Variants in DNMT3A observed in about 807,000 individuals in gnomAD.
DNMT3A encodes the protein DNA methyltransferase 3 alpha, also known as DNA (cytosine-5)-methyltransferase 3A.
A neutral mutation model predicts 117.6 loss-of-function variants in DNMT3A; 267 were observed. The ratio of observed to expected loss-of-function variants is 2.27; its 90% CI spans 2.05 to 2.51. DNMT3A has a LOEUF of 2.51. Ranked by LOEUF, DNMT3A falls within the 30% of genes most tolerant of loss-of-function variation. The pLI, the probability that DNMT3A is intolerant of heterozygous loss-of-function variation, is 0.00. For synonymous variants in DNMT3A, 432 were observed against 474.8 expected, an observed-to-expected ratio of 0.91 and a Z score of 1.17; for missense variants, 1,029 against 1,260.2, an observed-to-expected ratio of 0.82 and a Z score of 2.78.
At position 25,282,597 on chromosome 2, in the gene DNMT3A, C is replaced by G; in HGVS notation, c.292G>C (p.Glu98Gln). 1 of 1,613,650 alleles carries G rather than the reference C, an allele frequency of 6.2e-7. No individual in the cohort carries two copies. The highest frequency in any genetic ancestry group is 8.5e-7 in the Non-Finnish European group (1 of 1,179,998). ...GGGCTCCCCTCCTCTGGCTGGGGCT[C>G]ACTCCGCTTCTCCAAGTCCCCATTG... ...LPNGDLEKRS[E>Q]PQPEEGSPAG... The change falls in exon 4 of 23, where the codon GAG (glutamate) becomes CAG (glutamine). Residue 98 changes from glutamate (E) to glutamine (Q), a missense_variant. Physicochemically the swap from Glu to Gln is conservative, Grantham distance 29 (BLOSUM62 2). Transcript: ENST00000321117. This position sits in a 1 kb window ranked among gnomAD's most constrained non-coding sequence, Gnocchi z 5.2.
chr2:25,297,178 G>A (rs1384332096), intron 3 of DNMT3A, among the ~76,000 whole-genome samples: 1 of 152,152 alleles, frequency 6.6e-6, no homozygotes, highest in Non-Finnish European at 1.5e-5. Context: ...CCCAGGAAGG[G>A]CCATGCTGGC....
chr2:25,300,741 A>T (rs1302347918), intron 2 of DNMT3A, among the ~76,000 whole-genome samples: 1 of 45,908 alleles, frequency 2.2e-5, no homozygotes, highest in African/African-American at 9.4e-5. Context: ...ATATATATAT[A>T]TATATATATA....
rs2031918310 is a variant in DNMT3A at position 25,282,077 on chromosome 2, G to A, written c.448+364C>T. ...AAACTAAGGCCCACAACCAGCCACA[G>A]AAGGCGATGGAGGGACCGCCATTAT... On this transcript the variant is annotated intron_variant, in intron 4 of 22. Coordinates refer to ENST00000321117, the MANE Select transcript of DNMT3A (RefSeq NM_022552.5). This position sits in a 1 kb window ranked among gnomAD's most constrained non-coding sequence, Gnocchi z 5.2. The A allele has an allele frequency of 8.8e-7, 1 of 1,138,868 alleles. No individual in the cohort carries two copies. Among genetic ancestry groups the A allele is most frequent in the Non-Finnish European group, 1.1e-6 (1 of 909,014 alleles). 70.5% of individuals were successfully genotyped at this position (1,138,868 alleles called of 1,614,324 possible). A position where few individuals can be genotyped will look rare whatever the true frequency, so the allele number is the denominator to read the frequency against.
intron 1 of DNMT3A, among the ~76,000 whole-genome samples, chr2:25,320,236 A>G (rs2034541282): frequency 6.6e-6 from 1 of 152,258 alleles, no homozygotes; most frequent in African/African-American, 2.4e-5. Context: ...AGCATCAGCT[A>G]CAATGTGCCT....
chr2:25,316,055 C>T (rs762173126), intron 1 of DNMT3A, among the ~76,000 whole-genome samples: 1 of 152,210 alleles, frequency 6.6e-6, no homozygotes, highest in Non-Finnish European at 1.5e-5. Context: ...ATAGCTCTGA[C>T]CGGCCAAGGA....
Position 25,241,568 on chromosome 2 carries a change from C to T in DNMT3A, c.2076G>A (p.Gln692=), listed in dbSNP as rs1233014525. The T allele has an allele frequency of 6.2e-7, 1 of 1,613,416 alleles. No homozygotes were observed. The highest frequency in any genetic ancestry group is 8.5e-7 in the Non-Finnish European group (1 of 1,179,750). ...CCCCACAGCATGGACATACATGCTTCTGTGTGACGCTGCGGACGTCCCCGA... is the reference window on the plus strand; with the variant it reads ...CCCCACAGCATGGACATACATGCTTTTGTGTGACGCTGCGGACGTCCCCGA... ...MYVGDVRSVT[Q]KHIQEWGPFD... The change falls in exon 17 of 23, where the codon CAG becomes CAA. Residue 692 remains glutamine (Q), a synonymous_variant. Coordinates refer to ENST00000321117, the MANE Select transcript of DNMT3A (RefSeq NM_022552.5).
In DNMT3A at chr2:25,269,830, G is replaced by A. The variant is rs551493409; in HGVS notation, c.639+5111C>T. On this transcript the variant is annotated intron_variant, in intron 6 of 22. Transcript: ENST00000321117. ...ACTGCAGAAATGTCTCATTTTCCCC[G>A]TTCACTTATTTTCCATTTCTTTCAT... 2.6e-4 allele frequency among the ~76,000 whole-genome samples: 39 copies of A among 152,260 alleles called. No homozygotes were observed. In the South Asian group the frequency reaches 4.6e-3, roughly 18 times the overall value.
chr2:25,300,714 TATATATATA>T (rs2033422489), intron 2 of DNMT3A, among the ~76,000 whole-genome samples: 4 of 4,020 alleles, frequency 1.0e-3, no homozygotes, highest in East Asian at 0.013. Flanking sequence ...AATAATATAA[TATATATATA>T]TATATATATA....
In DNMT3A at chr2:25,326,131, T is replaced by C. The variant is rs930953546; in HGVS notation, c.-177-11970A>G. Among the ~76,000 whole-genome samples the C allele has an allele frequency of 6.5e-3, 991 of 151,802 alleles. 17 individuals are homozygous for C. The highest frequency in any genetic ancestry group is 0.023 in the African/African-American group (937 of 41,426). ...ATATGTGTGTGTGTGTGTGTGTGTGTGTGTGTGTGTGTGTGTGTGTGGTGT... is the reference window on the plus strand; with the variant it reads ...ATATGTGTGTGTGTGTGTGTGTGTGCGTGTGTGTGTGTGTGTGTGTGGTGT... On this transcript the variant is annotated intron_variant, in intron 1 of 22. Transcript: ENST00000321117.
intron 2 of DNMT3A, among the ~76,000 whole-genome samples, chr2:25,313,455 C>T (rs959652238): frequency 3.9e-5 from 6 of 152,210 alleles, no homozygotes; most frequent in South Asian, 2.1e-4. Context: ...TGGGCCCCCG[C>T]GGCCTCGTGT....
rs1432025600 is a variant in DNMT3A, at chr2:25,281,530, G to A, written c.448+911C>T. ...GTTGGATCCATGCAAAATAAGTTAC[G>A]CCAATTAATCAATTTACTCATTTCA... On this transcript the variant is annotated intron_variant, in intron 4 of 22. Coordinates refer to ENST00000321117, the MANE Select transcript of DNMT3A (RefSeq NM_022552.5). This position sits in a 1 kb window ranked among gnomAD's most constrained non-coding sequence, Gnocchi z 4.8. 7 of 1,058,930 alleles carry A rather than the reference G, an allele frequency of 6.6e-6. No individual in the cohort carries two copies. Among genetic ancestry groups the A allele is most frequent in the Non-Finnish European group, 8.0e-6 (7 of 875,236 alleles). The allele number at this position is 1,058,930 out of a possible 1,614,324, so 65.6% of individuals were successfully genotyped here.
intron 6 of DNMT3A, among the ~76,000 whole-genome samples, chr2:25,260,516 G>A (rs187436848): frequency 2.0e-4 from 31 of 152,026 alleles, no homozygotes; most frequent in Admixed American, 1.6e-3. Context: ...AGCATCTAGC[G>A]TCAAATATAC....
chr2:25,272,313 G>A, intron 6 of DNMT3A, among the ~76,000 whole-genome samples: 1 of 152,194 alleles, frequency 6.6e-6, no homozygotes, highest in Middle Eastern at 3.2e-3. Context: ...AATTTTAGTA[G>A]AGACCTAAAA....
At position 25,257,268 on chromosome 2, in the gene DNMT3A, G is replaced by C. The variant is rs982510501; in HGVS notation, c.640-9016C>G. Reference sequence around the variant, plus strand: ...GTGTCAGATGTGCACCCGGAGAGCAGAGGGGTCCAAAGGCTCGCACCTAGC... The same window carrying C: ...GTGTCAGATGTGCACCCGGAGAGCACAGGGGTCCAAAGGCTCGCACCTAGC... On this transcript the variant is annotated intron_variant, in intron 6 of 22. Coordinates refer to ENST00000321117, the MANE Select transcript of DNMT3A (RefSeq NM_022552.5). The surrounding 1 kb of genome is among the most constrained non-coding windows in gnomAD (Gnocchi z 4.8). Among the ~76,000 whole-genome samples, 1 of 152,216 alleles carries C rather than the reference G, an allele frequency of 6.6e-6. No individual in the cohort carries two copies. Among genetic ancestry groups the C allele is most frequent in the African/African-American group, 2.4e-5 (1 of 41,452 alleles).
intron 1 of DNMT3A, among the ~76,000 whole-genome samples, chr2:25,319,229 T>C (rs1032836060): frequency 2.2e-4 from 34 of 152,058 alleles, no homozygotes; most frequent in African/African-American, 8.2e-4. Context: ...TTAGCCAGGA[T>C]GGTCTCGAGC....
At chr2:25,328,687 A>G (rs1344448470) in intron 1 of DNMT3A, 5 of 522,184 alleles carry the variant, frequency 9.6e-6, no homozygotes, top group Non-Finnish European at 1.6e-5. Context: ...TCCCCAGCAC[A>G]GTGCTGCGGT....
intron 6 of DNMT3A, among the ~76,000 whole-genome samples, chr2:25,250,491 T>C (rs528788440): frequency 1.3e-5 from 2 of 152,238 alleles, no homozygotes; most frequent in South Asian, 4.2e-4. Flanking sequence ...GTGGAGTAAT[T>C]GCTCATCGCT....
intron 1 of DNMT3A, 122 bp downstream of exon 1, chr2:25,341,704 G>T: frequency 2.8e-6 from 2 of 723,962 alleles, no homozygotes; most frequent in Non-Finnish European, 3.4e-6. Flanking sequence ...GCGCCGAGTT[G>T]CAGGGGTCCG....
At chr2:25,246,448 A>T (rs1674783180) in intron 10 of DNMT3A, 139 bp from the exon 11 acceptor site, 1 of 1,430,708 alleles carries the variant, frequency 7.0e-7, no homozygotes, top group African/African-American at 1.4e-5. Flanking sequence ...CTAGCCAACC[A>T]ACAGAGAGCA....
Sources: allele counts gnomAD v4.1 joint callset (sites outside exome capture counted in the v4.1 genomes callset), GRCh38; gene constraint gnomAD v4.1.1; non-coding constraint Gnocchi (gnomAD v3.1); transcripts MANE v1.5; gene names NCBI Gene and HGNC (gene_info 2026-07-23, HGNC 2026-07-21).